The following SOBP variants were observed in gnomAD, a reference collection of about 807,000 sequenced individuals.
SOBP encodes the protein sine oculis-binding protein homolog.
In SOBP, 4 loss-of-function variants were observed where a neutral mutation model predicts 53.6. That is an observed-to-expected ratio of 0.07 (90% CI 0.04 to 0.17). The LOEUF is 0.17. SOBP is among the 10% of genes least tolerant of loss of function. The pLI, the probability that SOBP is intolerant of heterozygous loss-of-function variation, is 1.00. For synonymous variants in SOBP, 584 were observed against 522.6 expected (o/e 1.12, Z -1.60); for missense variants, 1,088 against 1,204.7 (o/e 0.90, Z 1.43).
rs753867966 is a variant in SOBP at position 107,633,866 on chromosome 6, C to G, written c.1022C>G (p.Ser341Cys). The change falls in exon 6 of 7, where the codon TCT becomes TGT. Residue 341 changes from serine to cysteine, a missense_variant. Around this residue, in one of 6 missense-constraint regions of SOBP, gnomAD observed 211 missense variants for 258.9 expected, o/e 0.82. Coordinates refer to ENST00000317357, the MANE Select transcript of SOBP (RefSeq NM_018013.4). The stretch of plus-strand genomic sequence containing the variant: ...TCTCCATCTGACACTGCCAACTGCT[C>G]TGTCACTAAAATCCCCACGCCAGTG... The part of the protein sequence containing the change: ...TVSPSDTANC[S>C]VTKIPTPVPK... 1.2e-6 allele frequency: 2 copies of G among 1,614,218 alleles called. No homozygotes were observed. The highest frequency in any genetic ancestry group is 1.7e-6 in the Non-Finnish European group (2 of 1,180,044).
chr6:107,570,602 C>T (rs943575006), intron 4 of SOBP, among the ~76,000 whole-genome samples: 20 of 152,326 alleles, frequency 1.3e-4, no homozygotes, highest in Admixed American at 2.6e-4. Flanking sequence ...GTAACAAGTA[C>T]GAGCCCCGCT....
intron 4 of SOBP, among the ~76,000 whole-genome samples, chr6:107,562,052 A>AC (rs1215536843): frequency 7.0e-6 from 1 of 143,074 alleles, no homozygotes; most frequent in Non-Finnish European, 1.5e-5. Context: ...TTTTTTTGAG[A>AC]CAGGGTCTCA....
chr6:107,530,186 C>A (rs1452114934), intron 3 of SOBP, among the ~76,000 whole-genome samples: 1 of 151,954 alleles, frequency 6.6e-6, no homozygotes, highest in Non-Finnish European at 1.5e-5. Flanking sequence ...ATTAGGTTTT[C>A]CCTAGCTTGA....
intron 3 of SOBP, chr6:107,529,337 A>G (rs538814741): frequency 1.8e-5 from 8 of 437,188 alleles, no homozygotes; most frequent in African/African-American, 1.7e-4. Flanking sequence ...CAGCCCGGCC[A>G]TGGGCCATTT....
intron 1 of SOBP, among the ~76,000 whole-genome samples, chr6:107,500,732 A>G (rs62428404): frequency 0.4 from 61,394 of 151,840 alleles, 15,300 homozygotes; most frequent in Middle Eastern, 0.75. Context: ...TCACCATGTT[A>G]GCCAGGATGG....
rs756195922 is a variant in SOBP at position 107,633,760 on chromosome 6, G to C, written c.916G>C (p.Asp306His). The C allele has an allele frequency of 2.5e-6, 4 of 1,614,222 alleles. No individual in the cohort carries two copies. Among genetic ancestry groups the C allele is most frequent in the Middle Eastern group, 1.6e-4 (1 of 6,062 alleles). ...TPDSWNIPLT[D>H]ARRKAPSPVA... ...AGACTCTTGGAATATCCCGCTAACAGATGCTCGGAGGAAGGCCCCCTCCCC... is the reference window on the plus strand; with the variant it reads ...AGACTCTTGGAATATCCCGCTAACACATGCTCGGAGGAAGGCCCCCTCCCC... The change falls in exon 6 of 7, where the codon GAT becomes CAT. Residue 306 changes from aspartate to histidine, a missense_variant. By Grantham distance (81) the Asp-to-His change is moderately conservative. Transcript: ENST00000317357.
At chr6:107,609,016 A>G (rs1786493110) in intron 5 of SOBP, among the ~76,000 whole-genome samples, 1 of 152,210 alleles carries the variant, frequency 6.6e-6, no homozygotes, top group Non-Finnish European at 1.5e-5. Flanking sequence ...GTCATCAAAT[A>G]TGTCCCCAGC....
rs116084108 is a variant in SOBP, at chr6:107,506,951, A to T, written c.421+524A>T. Among the ~76,000 whole-genome samples, 557 of 151,932 alleles carry T rather than the reference A, an allele frequency of 3.7e-3. 4 individuals are homozygous for T. Among genetic ancestry groups the T allele is most frequent in the African/African-American group, 0.013 (527 of 41,444 alleles). Reference sequence around the variant, plus strand: ...GGGCTAGTAATTAGCTAGTAATCCCACCTACTCGGGAGGCCGAGGCAGAAG... The same window carrying T: ...GGGCTAGTAATTAGCTAGTAATCCCTCCTACTCGGGAGGCCGAGGCAGAAG... On this transcript the variant is annotated intron_variant, in intron 3 of 6. Coordinates refer to ENST00000317357, the MANE Select transcript of SOBP (RefSeq NM_018013.4).
Position 107,634,454 on chromosome 6 carries a change from TC to T in SOBP, c.1614del (p.Ile539SerfsTer68). 6.2e-7 allele frequency: 1 copy of T among 1,607,234 alleles called. No homozygotes were observed. On this transcript the variant is annotated frameshift_variant, in exon 6 of 7. Coordinates refer to ENST00000317357, the MANE Select transcript of SOBP (RefSeq NM_018013.4). LOFTEE classifies it high-confidence loss of function. This position sits in a 1 kb window ranked among gnomAD's most constrained non-coding sequence, Gnocchi z 4.5. ...YPVIVPLPVP[I>X]PIPIPIPHVS... Reference sequence around the variant, plus strand: ...GTGATCGTGCCCCTACCGGTGCCCATCCCCATCCCCATCCCTATCCCTCACG... The same window carrying T: ...GTGATCGTGCCCCTACCGGTGCCCATCCCATCCCCATCCCTATCCCTCACG...
At chr6:107,569,242 A>AGGCT (rs1050032038) in intron 4 of SOBP, among the ~76,000 whole-genome samples, 7 of 152,232 alleles carry the variant, frequency 4.6e-5, no homozygotes, top group African/African-American at 2.4e-5. Flanking sequence ...GCAGAACAGT[A>AGGCT]GGCTGCAGGC....
chr6:107,501,308 G>T (rs1211234866), intron 1 of SOBP, among the ~76,000 whole-genome samples: 2 of 152,158 alleles, frequency 1.3e-5, no homozygotes, highest in Non-Finnish European at 2.9e-5. Context: ...CCTGGAACTG[G>T]TTCTGAAAGG....
At position 107,660,183 on chromosome 6, in the gene SOBP, GTTTT is replaced by G. The variant is rs11344446; in HGVS notation, c.*1986_*1989del. 1 of 150,802 alleles carries G rather than the reference GTTTT, an allele frequency of 6.6e-6. No homozygotes were observed. Among genetic ancestry groups the G allele is most frequent in the African/African-American group, 2.5e-5 (1 of 40,756 alleles). The allele number at this position is 150,802 out of a possible 1,614,324, so 9.3% of individuals were successfully genotyped here. A position where few individuals can be genotyped will look rare whatever the true frequency, so the allele number is the denominator to read the frequency against. On this transcript the variant is annotated 3_prime_UTR_variant, in exon 7 of 7. Transcript: ENST00000317357. ...GGCTTTTCTCATTATTATGACTACT[GTTTT>G]TTTTTGTTTTTTGTTTTTTGTTTTA...
In SOBP at chr6:107,544,613, A is replaced by G. The variant is rs148000005; in HGVS notation, c.573+11003A>G. Reference sequence around the variant, plus strand: ...TCTGAAGGATAAAGAGGTGTTAAGTAAGGAAAGAGAGAAGGAAGAGCTTAT... The same window carrying G: ...TCTGAAGGATAAAGAGGTGTTAAGTGAGGAAAGAGAGAAGGAAGAGCTTAT... On this transcript the variant is annotated intron_variant, in intron 4 of 6. Transcript: ENST00000317357. Among the ~76,000 whole-genome samples the G allele has an allele frequency of 3.5e-3, 539 of 152,328 alleles. 2 individuals are homozygous for G. The highest frequency in any genetic ancestry group is 0.012 in the African/African-American group (509 of 41,570).
In SOBP at chr6:107,634,966, C is replaced by T. The variant is rs2115148835; in HGVS notation, c.2122C>T (p.Pro708Ser). 9.8e-7 allele frequency: 1 copy of T among 1,016,326 alleles called. No individual in the cohort carries two copies. Among genetic ancestry groups the T allele is most frequent in the South Asian group, 4.5e-5 (1 of 22,406 alleles). 63.0% of individuals were successfully genotyped at this position (1,016,326 alleles called of 1,614,324 possible). ...CCCGCCCGCCGCCGGCGACCCAGGC[C>T]CGGGCGCCCCGGCGGGCCCCGAGGC... ...CSPPAAGDPG[P>S]GAPAGPEAAA... The change falls in exon 6 of 7, where the codon CCG becomes TCG. Residue 708 changes from proline to serine, a missense_variant. Transcript: ENST00000317357. This position sits in a 1 kb window ranked among gnomAD's most constrained non-coding sequence, Gnocchi z 4.5.
intron 3 of SOBP, among the ~76,000 whole-genome samples, 156 bp from the exon 4 acceptor site, chr6:107,533,296 AGAGAGAG>A (rs1783894134): frequency 2.1e-5 from 3 of 144,700 alleles, no homozygotes; most frequent in Non-Finnish European, 3.0e-5. Flanking sequence ...AAAAAAAAAA[AGAGAGAG>A]AGAAAGAGAG....
chr6:107,525,460 G>A (rs1435467582), intron 3 of SOBP, among the ~76,000 whole-genome samples: 1 of 152,146 alleles, frequency 6.6e-6, no homozygotes, highest in Non-Finnish European at 1.5e-5. Context: ...TGGAGTACGG[G>A]AGAATAAATG....
intron 4 of SOBP, among the ~76,000 whole-genome samples, chr6:107,575,370 G>A (rs766758417): frequency 2.6e-5 from 4 of 152,318 alleles, no homozygotes; most frequent in South Asian, 2.1e-4. Flanking sequence ...GCTCCATGAA[G>A]TAGTCACTGA....
rs1237266726 is a variant in SOBP at position 107,533,324 on chromosome 6, A to G, written c.422-135A>G. ...GAGAGAGAAAGAGAGAGAGAGAGAG[A>G]AAGAAAAAGCACTTCTTCTCCAAGG... On this transcript the variant is annotated intron_variant, in intron 3 of 6. Transcript: ENST00000317357. The G allele has an allele frequency of 7.2e-6, 5 of 695,990 alleles. No individual in the cohort carries two copies. The East Asian group carries it at 1.4e-4, about 20-fold the overall frequency. The allele number at this position is 695,990 out of a possible 1,614,324, so 43.1% of individuals were successfully genotyped here.
rs556635720 is a variant in SOBP at position 107,589,016 on chromosome 6, G to A, written c.669+1841G>A. Reference sequence around the variant, plus strand: ...GGTGTTTGGCTGGTTATGAAGCCCTGAGAAGTTATGCTTCTATATGAAAGA... The same window carrying A: ...GGTGTTTGGCTGGTTATGAAGCCCTAAGAAGTTATGCTTCTATATGAAAGA... On this transcript the variant is annotated intron_variant, in intron 5 of 6. Coordinates refer to ENST00000317357, the MANE Select transcript of SOBP (RefSeq NM_018013.4). Among the ~76,000 whole-genome samples, 28 of 152,298 alleles carry A rather than the reference G, an allele frequency of 1.8e-4. No homozygotes were observed. In the South Asian group the frequency reaches 5.8e-3, roughly 32 times the overall value.
Sources: allele counts gnomAD v4.1 joint callset (sites outside exome capture counted in the v4.1 genomes callset), GRCh38; gene constraint gnomAD v4.1.1; regional missense constraint gnomAD v4.1.1; non-coding constraint Gnocchi (gnomAD v3.1); transcripts MANE v1.5; gene names NCBI Gene and HGNC (gene_info 2026-07-23, HGNC 2026-07-21).